The following PRG4 variants were observed in gnomAD, a reference collection of about 807,000 sequenced individuals.
PRG4 encodes articular superficial zone protein.
Under a neutral mutation model 91.2 loss-of-function variants are expected in PRG4, and 61 were observed. The observed-to-expected ratio is 0.67, with a 90% CI of 0.54 to 0.83. The LOEUF (loss-of-function observed/expected upper bound fraction) is 0.83, where lower values mean the gene tolerates loss of function less well. Ranked by LOEUF, PRG4 falls within the 40% of genes least tolerant of loss-of-function variation. The pLI is 0.00. For missense variants in PRG4, 1,564 were observed against 1,714.2 expected, an observed-to-expected ratio of 0.91 and a Z score of 1.55; for synonymous variants, 576 against 614.2, an observed-to-expected ratio of 0.94 and a Z score of 0.92.
At chr1:186,299,922 T>G (rs1656089485) in intron 2 of PRG4, among the ~76,000 whole-genome samples, 169 bp from the exon 3 acceptor site, 1 of 152,222 alleles carries the variant, frequency 6.6e-6, no homozygotes, top group Admixed American at 6.5e-5. Flanking sequence ...ATAATTGAGA[T>G]CACCTAAGAC....
At chr1:186,311,815 C>T (rs1227218642) in intron 10 of PRG4, 6 of 606,260 alleles carry the variant, frequency 9.9e-6, no homozygotes, top group Admixed American at 3.1e-5. Flanking sequence ...TTTCAGGTCA[C>T]TGATAGAATG....
At chr1:186,312,947 T>G in intron 12 of PRG4, 53 bp downstream of exon 12, 1 of 1,562,110 alleles carries the variant, frequency 6.4e-7, no homozygotes, top group Non-Finnish European at 8.8e-7. Context: ...TGTGAAAACA[T>G]GAAGATAAAG....
At position 186,300,147 on chromosome 1, in the gene PRG4, A is replaced by C; in HGVS notation, c.133A>C (p.Asn45His). The change falls in exon 3 of 13, where the codon AAC becomes CAC. Residue 45 changes from asparagine to histidine, a missense_variant. Asn to His is a moderately conservative substitution (Grantham distance 68). Coordinates refer to ENST00000445192, the MANE Select transcript of PRG4 (RefSeq NM_005807.6). Reference protein sequence around the residue: ...GEGYSRDATCNCDYNCQHYME... With the variant: ...GEGYSRDATCHCDYNCQHYME... ...AGGGTATTCTAGAGATGCCACCTGC[A>C]ACTGTGATTATAACTGTCAACACTA... 1 of 1,614,100 alleles carries C rather than the reference A, an allele frequency of 6.2e-7. No homozygotes were observed. The highest frequency in any genetic ancestry group is 8.5e-7 in the Non-Finnish European group (1 of 1,179,958).
rs569506404 is a variant in PRG4, at chr1:186,309,140, G to A, written c.3421G>A (p.Asp1141Asn). ...QGIIINPMLS[D>N]ETNICNGKPV... ...CATTATCATCAATCCCATGCTTTCCGGTATTAAGAATCAGTTATTTTCATT... is the reference window on the plus strand; with the variant it reads ...CATTATCATCAATCCCATGCTTTCCAGTATTAAGAATCAGTTATTTTCATT... The change falls in exon 7 of 13, where the codon GAT (aspartate) becomes AAT (asparagine). Residue 1141 changes from aspartate (D) to asparagine (N), a missense_variant and splice_region_variant. Physicochemically the swap from Asp to Asn is conservative, Grantham distance 23 (BLOSUM62 1). This residue lies in a region of PRG4 where 1,079 missense variants were observed against 1,162.2 expected (regional missense o/e 0.93). Coordinates refer to ENST00000445192, the MANE Select transcript of PRG4 (RefSeq NM_005807.6). 8 of 1,609,076 alleles carry A rather than the reference G, an allele frequency of 5.0e-6. No individual in the cohort carries two copies. The highest frequency in any genetic ancestry group is 1.3e-5 in the African/African-American group (1 of 74,692).
At chr1:186,311,382 G>C in intron 9 of PRG4, 58 bp from the exon 10 acceptor site, 1 of 1,547,940 alleles carries the variant, frequency 6.5e-7, no homozygotes, top group Non-Finnish European at 8.9e-7. Context: ...ATCTAGAAAG[G>C]AGTTCCAAAT....
chr1:186,307,423 T>A lies in PRG4; in HGVS notation c.1704T>A (p.Pro568=). 12 of 1,543,774 alleles carry A rather than the reference T, an allele frequency of 7.8e-6. No individual in the cohort carries two copies. Among genetic ancestry groups the A allele is most frequent in the Non-Finnish European group, 1.0e-5 (12 of 1,149,770 alleles). ...CTGCACCCACCACTCCCAAGGAGCC[T>A]GCACCCACCACCCCCAAGAAGCCTG... is the stretch of plus-strand genomic sequence containing the variant. ...KEPAPTTPKE[P]APTTPKKPAP... Residue 568 remains proline (P), a synonymous_variant, in exon 7 of 13, where the codon CCT becomes CCA. Coordinates refer to ENST00000445192, the MANE Select transcript of PRG4 (RefSeq NM_005807.6).
intron 7 of PRG4, 44 bp from the exon 8 acceptor site, chr1:186,309,749 C>T (rs769516354): frequency 7.3e-7 from 1 of 1,371,638 alleles, no homozygotes; most frequent in South Asian, 1.2e-5. Flanking sequence ...ACAGACTTTT[C>T]TCATTCTGTT....
rs139562383 is a variant in PRG4, at chr1:186,304,234, T to C, written c.446T>C (p.Ile149Thr). ...PPNKKKTKKV[I>T]ESEEITEEHS... ...AACAAGAAGAAGACTAAGAAAGTTA[T>C]AGAATCAGAGGAAATAACAGAAGGT... Residue 149 changes from isoleucine to threonine, a missense_variant, in exon 5 of 13, where the codon ATA becomes ACA. Coordinates refer to ENST00000445192, the MANE Select transcript of PRG4 (RefSeq NM_005807.6). The C allele has an allele frequency of 1.9e-5, 30 of 1,613,552 alleles. No homozygotes were observed. Among genetic ancestry groups the C allele is most frequent in the Non-Finnish European group, 2.5e-5 (29 of 1,179,544 alleles).
chr1:186,298,219 C>T (rs1401587345), intron 2 of PRG4, among the ~76,000 whole-genome samples: 1 of 151,700 alleles, frequency 6.6e-6, no homozygotes, highest in Admixed American at 6.6e-5. Flanking sequence ...TGTCTCTATA[C>T]AAAATACAAA....
At chr1:186,309,408 G>A (rs189925195) in intron 7 of PRG4, among the ~76,000 whole-genome samples, 114 of 152,188 alleles carry the variant, frequency 7.5e-4, no homozygotes, top group Non-Finnish European at 2.8e-4. Flanking sequence ...AATTTAGTTC[G>A]GAGTCTATTC....
chr1:186,297,919 G>A (rs74489537), intron 2 of PRG4, among the ~76,000 whole-genome samples: 4,277 of 152,262 alleles, frequency 0.028, 206 homozygotes, highest in African/African-American at 0.098. Context: ...TATTCAATAA[G>A]AATGATGACT....
In PRG4 at chr1:186,311,520, A is replaced by C; in HGVS notation, c.3717A>C (p.Leu1239=). Residue 1239 remains leucine, a synonymous_variant, in exon 10 of 13, where the codon CTA becomes CTC. Coordinates refer to ENST00000445192, the MANE Select transcript of PRG4 (RefSeq NM_005807.6). ...PKPIFKGFGG[L]TGQIVAALST... ...CAATTTTCAAAGGATTTGGAGGACTAACTGGACAAATAGTGGCAGCGCTTT... is the reference window on the plus strand; with the variant it reads ...CAATTTTCAAAGGATTTGGAGGACTCACTGGACAAATAGTGGCAGCGCTTT... The C allele has an allele frequency of 6.2e-7, 1 of 1,614,052 alleles. No individual in the cohort carries two copies. Among genetic ancestry groups the C allele is most frequent in the Non-Finnish European group, 8.5e-7 (1 of 1,179,922 alleles).
rs753594724 is a variant in PRG4, at chr1:186,308,682, CAAA to C, written c.2967_2969del (p.Lys990del). 1.9e-6 allele frequency: 3 copies of C among 1,610,576 alleles called. No homozygotes were observed. In the African/African-American group the frequency reaches 4.0e-5, roughly 22 times the overall value. ...ACTCTTGCACCCAAAGTAACTACAACAAAAAAGACAATTACTACCACTGAGATT... is the reference window on the plus strand; with the variant it reads ...ACTCTTGCACCCAAAGTAACTACAACAAAGACAATTACTACCACTGAGATT... On this transcript the variant is annotated inframe_deletion, in exon 7 of 13. Transcript: ENST00000445192.
chr1:186,310,833 A>C (rs1657160285), intron 8 of PRG4, among the ~76,000 whole-genome samples: 2 of 152,074 alleles, frequency 1.3e-5, no homozygotes, highest in South Asian at 4.1e-4. Context: ...GAAACTAGAA[A>C]ACTAAAGTAT....
Position 186,304,863 on chromosome 1 carries a change from G to C in PRG4, c.539G>C (p.Arg180Pro). Residue 180 changes from arginine to proline, a missense_variant, in exon 6 of 13, where the codon CGG becomes CCG. Around this residue, in one of 3 missense-constraint regions of PRG4, gnomAD observed 437 missense variants for 459.0 expected, o/e 0.95. Coordinates refer to ENST00000445192, the MANE Select transcript of PRG4 (RefSeq NM_005807.6). ...TCTTCCTCTTCTTCTTCAACAATTC[G>C]GAAAATCAAGTCTTCCAAAAATTCA... is the stretch of plus-strand genomic sequence containing the variant. ...SSSSSSSSTIRKIKSSKNSAA... is the reference protein window; with the variant it reads ...SSSSSSSSTIPKIKSSKNSAA... The C allele has an allele frequency of 6.2e-7, 1 of 1,612,506 alleles. No individual in the cohort carries two copies. Among genetic ancestry groups the C allele is most frequent in the East Asian group, 2.2e-5 (1 of 44,776 alleles).
At chr1:186,305,305 G>T (rs557024683) in intron 6 of PRG4, among the ~76,000 whole-genome samples, 17 of 151,948 alleles carry the variant, frequency 1.1e-4, no homozygotes, top group African/African-American at 4.1e-4. Context: ...ATATACTATT[G>T]TTCTAAGTGT....
rs1656943060 is a variant in PRG4 at position 186,308,760 on chromosome 1, C to G, written c.3041C>G (p.Ser1014Cys). The change falls in exon 7 of 13, where the codon TCT (serine) becomes TGT (cysteine). Residue 1014 changes from serine (S) to cysteine (C), a missense_variant. By Grantham distance (112) the Ser-to-Cys change is moderately radical. This residue lies in a region of PRG4 where 1,079 missense variants were observed against 1,162.2 expected (regional missense o/e 0.93). Coordinates refer to ENST00000445192, the MANE Select transcript of PRG4 (RefSeq NM_005807.6). Reference protein sequence around the residue: ...TAKPKDRATNSKATTPKPQKP... With the variant: ...TAKPKDRATNCKATTPKPQKP... The stretch of plus-strand genomic sequence containing the variant: ...AAACCAAAAGACAGAGCTACTAATT[C>G]TAAAGCGACAACTCCTAAACCTCAA... The G allele has an allele frequency of 1.2e-6, 2 of 1,613,692 alleles. No individual in the cohort carries two copies. Among genetic ancestry groups the G allele is most frequent in the Non-Finnish European group, 1.7e-6 (2 of 1,179,992 alleles).
intron 9 of PRG4, 73 bp from the exon 10 acceptor site, chr1:186,311,367 C>A: frequency 6.6e-7 from 1 of 1,516,574 alleles, no homozygotes; most frequent in Non-Finnish European, 9.1e-7. Flanking sequence ...TCTCTCTATA[C>A]TTAAATCTAG....
chr1:186,313,819 T>C lies in PRG4; in HGVS notation c.*41T>C, dbSNP rs770955068. 3 of 1,521,214 alleles carry C rather than the reference T, an allele frequency of 2.0e-6. No homozygotes were observed. The highest frequency in any genetic ancestry group is 3.3e-5 in the Admixed American group (2 of 59,858). The allele number at this position is 1,521,214 out of a possible 1,614,324, so 94.2% of individuals were successfully genotyped here. A position where few individuals can be genotyped will look rare whatever the true frequency, so the allele number is the denominator to read the frequency against. ...AGGAGTCAACTAATGAAGAAATGAA[T>C]AATAAATTTTGACACTGAAAAACAT... On this transcript the variant is annotated 3_prime_UTR_variant, in exon 13 of 13. Transcript: ENST00000445192.
Sources: allele counts gnomAD v4.1 joint callset (sites outside exome capture counted in the v4.1 genomes callset), GRCh38; gene constraint gnomAD v4.1.1; regional missense constraint gnomAD v4.1.1; transcripts MANE v1.5; gene names NCBI Gene and HGNC (gene_info 2026-07-23, HGNC 2026-07-21).